The following ENPP2 variants were observed in gnomAD, a reference collection of about 807,000 sequenced individuals.
The protein encoded by ENPP2 is ectonucleotide pyrophosphatase/phosphodiesterase 2.
A neutral mutation model predicts 120.2 loss-of-function variants in ENPP2; 51 were observed. The observed-to-expected ratio is 0.42, with a 90% CI of 0.34 to 0.54. ENPP2 has a LOEUF of 0.54. Ranked by LOEUF, ENPP2 falls within the 20% of genes least tolerant of loss-of-function variation. The pLI, the probability that ENPP2 is intolerant of heterozygous loss-of-function variation, is 0.04. For synonymous variants in ENPP2, 365 were observed against 366.4 expected (o/e 1.00, Z 0.04); for missense variants, 920 against 1,066.5 (o/e 0.86, Z 1.91).
intron 1 of ENPP2, among the ~76,000 whole-genome samples, chr8:119,671,049 G>A (rs1171510542): frequency 6.6e-6 from 1 of 151,536 alleles, no homozygotes; most frequent in East Asian, 1.9e-4. Context: ...CATTTTGGGA[G>A]GCCGAGGCAG....
At chr8:119,637,047 G>A (rs550592726) in intron 2 of ENPP2, among the ~76,000 whole-genome samples, 11 of 151,630 alleles carry the variant, frequency 7.3e-5, no homozygotes, top group African/African-American at 2.2e-4. Flanking sequence ...ATATTAAGAG[G>A]AAACAGAAAA....
At chr8:119,586,921 G>C in intron 14 of ENPP2, 123 bp downstream of exon 14, 1 of 755,400 alleles carries the variant, frequency 1.3e-6, no homozygotes, top group South Asian at 1.6e-5. Flanking sequence ...ATACAGGATG[G>C]CAGGGCAGTG....
rs143917466 is a variant in ENPP2 at position 119,581,571 on chromosome 8, C to T, written c.1728+847G>A. Among the ~76,000 whole-genome samples, 8 of 152,226 alleles carry T rather than the reference C, an allele frequency of 5.3e-5. No homozygotes were observed. In the East Asian group the frequency reaches 1.5e-3, roughly 29 times the overall value. The stretch of plus-strand genomic sequence containing the variant: ...ATCGGCCAAATACAATAGTTCCTTC[C>T]TATTCGGTTGTCTCTCCATGTTTTG... On this transcript the variant is annotated intron_variant, in intron 18 of 24. Transcript: ENST00000075322.
At chr8:119,632,383 C>T (rs977163042) in intron 2 of ENPP2, among the ~76,000 whole-genome samples, 3 of 152,152 alleles carry the variant, frequency 2.0e-5, no homozygotes, top group African/African-American at 7.2e-5. Context: ...TCTTATGAGG[C>T]ATTTGCTAAT....
chr8:119,617,242 C>A lies in ENPP2; in HGVS notation c.579G>T (p.Arg193Ser). 1 of 1,611,372 alleles carries A rather than the reference C, an allele frequency of 6.2e-7. No individual in the cohort carries two copies. The highest frequency in any genetic ancestry group is 8.5e-7 in the Non-Finnish European group (1 of 1,177,650). The part of the protein sequence containing the change: ...SKVMPNIEKL[R>S]SCGTHSPYMR... ...TGTAGGGAGAGTGTGTGCCACAAGA[C>A]CCTGGAAAGAGAATTGCAAATATTA... The change falls in exon 7 of 25, where the codon AGG (arginine) becomes AGT (serine). Residue 193 changes from arginine to serine, a missense_variant and splice_region_variant. Coordinates refer to ENST00000075322, the MANE Select transcript of ENPP2 (RefSeq NM_001040092.3).
chr8:119,641,442 G>T (rs1029919373), upstream of ENPP2, among the ~76,000 whole-genome samples: 10 of 152,222 alleles, frequency 6.6e-5, no homozygotes, highest in African/African-American at 2.4e-4. Context: ...ACTTGCTATG[G>T]TGTTTAAGAT....
At chr8:119,560,375 T>C (rs1813834922) in intron 24 of ENPP2, among the ~76,000 whole-genome samples, 1 of 152,190 alleles carries the variant, frequency 6.6e-6, no homozygotes, top group East Asian at 1.9e-4. Flanking sequence ...ACAACCAAAA[T>C]TGAGAGGGCC....
intron 1 of ENPP2, among the ~76,000 whole-genome samples, chr8:119,668,367 C>T (rs549393562): frequency 2.2e-4 from 33 of 151,760 alleles, no homozygotes; most frequent in Middle Eastern, 3.4e-3. Flanking sequence ...ATACAGAGTA[C>T]GATGACTATC....
intron 9 of ENPP2, among the ~76,000 whole-genome samples, chr8:119,606,457 A>G (rs1814723883): frequency 6.6e-6 from 1 of 152,202 alleles, no homozygotes; most frequent in Non-Finnish European, 1.5e-5. Context: ...GTTACAGAAC[A>G]GAAGAAAATA....
At chr8:119,661,151 C>A (rs530096536) in intron 1 of ENPP2, among the ~76,000 whole-genome samples, 24 of 152,076 alleles carry the variant, frequency 1.6e-4, no homozygotes, top group Non-Finnish European at 2.5e-4. Flanking sequence ...GAACATCACA[C>A]ACTGGGGCCT....
rs1364465254 is a variant in ENPP2 at position 119,645,464 on chromosome 8, A to G, written c.22-6937T>C. Among the ~76,000 whole-genome samples, 3 of 152,106 alleles carry G rather than the reference A, an allele frequency of 2.0e-5. No individual in the cohort carries two copies. In the East Asian group the frequency reaches 5.8e-4, roughly 29 times the overall value. On this transcript the variant is annotated intron_variant, in intron 1 of 25. Transcript: ENST00000427067. ...TTTATCAGGTGCTGTTAGTTCCTAA[A>G]TTTTCTTCCTATGTGATAATGTTTA...
intron 2 of ENPP2, among the ~76,000 whole-genome samples, chr8:119,634,946 A>T (rs905738999): frequency 6.6e-6 from 1 of 152,184 alleles, no homozygotes; most frequent in Non-Finnish European, 1.5e-5. Flanking sequence ...CAGTTCAGAT[A>T]ATTTCATTCC....
At chr8:119,642,394 T>C (rs974143172), upstream of ENPP2, among the ~76,000 whole-genome samples, 64 of 152,328 alleles carry the variant, frequency 4.2e-4, no homozygotes, top group African/African-American at 1.5e-3. Flanking sequence ...TTACTTTTTG[T>C]TCATGTTTTT....
chr8:119,617,425 C>A, intron 6 of ENPP2, 41 bp downstream of exon 6: 1 of 1,405,976 alleles, frequency 7.1e-7, no homozygotes. Flanking sequence ...TGTGGAGATC[C>A]TAGATTACAG....
At chr8:119,587,404 A>T (rs1163578369) in intron 13 of ENPP2, among the ~76,000 whole-genome samples, 1 of 152,184 alleles carries the variant, frequency 6.6e-6, no homozygotes. Flanking sequence ...TCCCCTTGAG[A>T]CATAATTTAT....
intron 1 of ENPP2, among the ~76,000 whole-genome samples, chr8:119,670,389 G>A (rs1467155517): frequency 6.6e-6 from 1 of 152,192 alleles, no homozygotes; most frequent in Non-Finnish European, 1.5e-5. Context: ...GAAAGCTTCT[G>A]TATCTCTGTC....
intron 4 of ENPP2, among the ~76,000 whole-genome samples, chr8:119,620,246 G>T (rs538969764): frequency 1.3e-5 from 2 of 152,214 alleles, no homozygotes; most frequent in East Asian, 1.9e-4. Context: ...GATTCCAAGG[G>T]CTTCTTTTTT....
intron 8 of ENPP2, among the ~76,000 whole-genome samples, chr8:119,613,985 T>A (rs1815288649): frequency 6.6e-6 from 1 of 152,090 alleles, no homozygotes; most frequent in Admixed American, 6.6e-5. Context: ...AACAATACTT[T>A]GTCTATATGT....
At chr8:119,592,316 TA>T (rs1209411084) in intron 12 of ENPP2, among the ~76,000 whole-genome samples, 31 of 151,584 alleles carry the variant, frequency 2.0e-4, no homozygotes, top group African/African-American at 7.5e-4. Context: ...CTACTAAAAA[TA>T]CAAAATTTAG....
Sources: allele counts gnomAD v4.1 joint callset (sites outside exome capture counted in the v4.1 genomes callset), GRCh38; gene constraint gnomAD v4.1.1; transcripts MANE v1.5; gene names NCBI Gene and HGNC (gene_info 2026-07-23, HGNC 2026-07-21).